RABGAP1L: variants seen among roughly 807,000 people sequenced by gnomAD.
The protein encoded by RABGAP1L is RAB GTPase activating protein 1 like, also known as rab GTPase-activating protein 1-like.
In RABGAP1L, 63 loss-of-function variants were observed where a neutral mutation model predicts 137.7. The observed-to-expected ratio is 0.46, with a 90% CI of 0.37 to 0.56. The LOEUF (loss-of-function observed/expected upper bound fraction) is 0.56, where lower values mean the gene tolerates loss of function less well. Among genes scored for constraint, RABGAP1L ranks in the 20% least tolerant of loss-of-function variants. The pLI, the probability that RABGAP1L is intolerant of heterozygous loss-of-function variation, is 0.00. For synonymous variants in RABGAP1L, 431 were observed against 433.7 expected (o/e 0.99, Z 0.08); for missense variants, 1,095 against 1,244.0 (o/e 0.88, Z 1.80).
intron 19 of RABGAP1L, among the ~76,000 whole-genome samples, chr1:174,855,363 C>T (rs1649127422): frequency 6.6e-6 from 1 of 152,170 alleles, no homozygotes; most frequent in Admixed American, 6.5e-5. Flanking sequence ...CCTTATTTAG[C>T]TCCAAGAGTT....
At chr1:174,581,871 C>G (rs1029224046) in intron 13 of RABGAP1L, among the ~76,000 whole-genome samples, 1 of 151,836 alleles carries the variant, frequency 6.6e-6, no homozygotes, top group Non-Finnish European at 1.5e-5. Flanking sequence ...TGCTTTGACA[C>G]TAAAAGGAAG....
chr1:174,859,974 TTTC>T lies in RABGAP1L; in HGVS notation c.2340+48015_2340+48017del, dbSNP rs879512936. On this transcript the variant is annotated intron_variant, in intron 19 of 25. Transcript: ENST00000681986. ...AATGCTTTTTTTTTTTTTTTTTTTTTTTCCAAATAAAGTAAGAGCCTCACTATC... is the reference window on the plus strand; with the variant it reads ...AATGCTTTTTTTTTTTTTTTTTTTTTCAAATAAAGTAAGAGCCTCACTATC... Among the ~76,000 whole-genome samples the T allele has an allele frequency of 5.2e-3, 690 of 133,648 alleles. 6 individuals carry two copies. The highest frequency in any genetic ancestry group is 0.022 in the African/African-American group (642 of 29,708). The allele number at this position is 133,648 out of a possible 152,430, so 87.7% of individuals were successfully genotyped here.
At chr1:174,770,562 T>G (rs1246857522) in intron 18 of RABGAP1L, among the ~76,000 whole-genome samples, 1 of 152,234 alleles carries the variant, frequency 6.6e-6, no homozygotes, top group Non-Finnish European at 1.5e-5. Context: ...TTGAACTTAA[T>G]GTACCCTAAG....
intron 13 of RABGAP1L, among the ~76,000 whole-genome samples, chr1:174,539,590 G>C (rs897811732): frequency 6.6e-6 from 1 of 152,120 alleles, no homozygotes; most frequent in African/African-American, 2.4e-5. Flanking sequence ...ATGGTTTCCA[G>C]CTTCATCCAT....
intron 13 of RABGAP1L, among the ~76,000 whole-genome samples, chr1:174,478,870 A>G (rs934043684): frequency 1.3e-5 from 2 of 152,204 alleles, no homozygotes; most frequent in Admixed American, 6.5e-5. Context: ...AAAGAGTAGA[A>G]TGGAAATGAT....
chr1:174,196,376 A>G (rs1186432022), intron 1 of RABGAP1L, among the ~76,000 whole-genome samples: 2 of 151,160 alleles, frequency 1.3e-5, no homozygotes, highest in East Asian at 1.9e-4. Flanking sequence ...GGTGCCCGCC[A>G]CCACGCCTGG....
chr1:174,866,849 G>A (rs1651338892), intron 19 of RABGAP1L, among the ~76,000 whole-genome samples: 1 of 152,078 alleles, frequency 6.6e-6, no homozygotes, highest in African/African-American at 2.4e-5. Flanking sequence ...GAAGGTTGAG[G>A]CCACAGTGAG....
At chr1:174,661,356 G>A (rs1396914318) in intron 14 of RABGAP1L, among the ~76,000 whole-genome samples, 1 of 152,092 alleles carries the variant, frequency 6.6e-6, no homozygotes, top group African/African-American at 2.4e-5. Flanking sequence ...TACTTGTACT[G>A]AATACTAAAG....
In RABGAP1L at chr1:174,246,007, G is replaced by T. The variant is rs754640720; in HGVS notation, c.717+4350G>T. 2.0e-5 allele frequency: 3 copies of T among 152,226 alleles called. No homozygotes were observed. In the East Asian group the frequency reaches 5.8e-4, roughly 29 times the overall value. 9.4% of individuals were successfully genotyped at this position (152,226 alleles called of 1,614,324 possible). On this transcript the variant is annotated intron_variant, in intron 5 of 25. Coordinates refer to ENST00000681986, the MANE Select transcript of RABGAP1L (RefSeq NM_001366446.1). ...TATCTTTCACCAGTATTAATGAAAA[G>T]ACTTCATCTTGGAGAAACTAGCTAT...
chr1:174,832,376 G>T (rs1457797538), intron 19 of RABGAP1L, among the ~76,000 whole-genome samples: 2 of 148,098 alleles, frequency 1.4e-5, no homozygotes, highest in African/African-American at 4.9e-5. Context: ...TACTGCATTT[G>T]TCAGGAAAAC....
intron 19 of RABGAP1L, among the ~76,000 whole-genome samples, chr1:174,830,089 C>G (rs1481552906): frequency 1.4e-5 from 2 of 148,076 alleles, no homozygotes; most frequent in Non-Finnish European, 3.0e-5. Context: ...TTTCCCCATG[C>G]TTACTCATGC....
intron 13 of RABGAP1L, among the ~76,000 whole-genome samples, chr1:174,395,503 G>T (rs571946350): frequency 6.6e-6 from 1 of 151,640 alleles, no homozygotes; most frequent in Non-Finnish European, 1.5e-5. Flanking sequence ...AACATATGGC[G>T]GTTTAAACAC....
At chr1:174,833,344 C>T (rs949692785) in intron 19 of RABGAP1L, among the ~76,000 whole-genome samples, 2 of 146,764 alleles carry the variant, frequency 1.4e-5, no homozygotes, top group Admixed American at 1.4e-4. Context: ...GGACTACAGG[C>T]GCATGCCACC....
intron 11 of RABGAP1L, among the ~76,000 whole-genome samples, chr1:174,350,173 G>A (rs1292037181): frequency 7.1e-6 from 1 of 140,192 alleles, no homozygotes; most frequent in East Asian, 2.2e-4. Flanking sequence ...GGGGCGGCTG[G>A]CCGGGCGGGG....
chr1:174,190,268 A>T (rs1210735728), intron 1 of RABGAP1L, among the ~76,000 whole-genome samples: 5 of 142,534 alleles, frequency 3.5e-5, no homozygotes, highest in Admixed American at 7.7e-5. Context: ...ACACCACTGC[A>T]CTCCACCCTG....
chr1:174,877,341 T>TGG, intron 19 of RABGAP1L: 1 of 1,276,992 alleles, frequency 7.8e-7, no homozygotes, highest in Non-Finnish European at 1.1e-6. Flanking sequence ...TTTTTTTTTC[T>TGG]TTCTCTTTCT....
chr1:174,629,635 G>C (rs994321462), intron 13 of RABGAP1L, among the ~76,000 whole-genome samples: 1 of 152,072 alleles, frequency 6.6e-6, no homozygotes, highest in Non-Finnish European at 1.5e-5. Context: ...CGATTCTCCT[G>C]CCTCAGCCTC....
intron 19 of RABGAP1L, among the ~76,000 whole-genome samples, chr1:174,865,577 G>C (rs760197081): frequency 3.2e-5 from 3 of 94,716 alleles, no homozygotes; most frequent in Non-Finnish European, 5.6e-5. Context: ...AGATATCAGA[G>C]ATTTTTTTTT....
At chr1:174,422,873 G>A (rs1207302527) in intron 13 of RABGAP1L, among the ~76,000 whole-genome samples, 2 of 150,904 alleles carry the variant, frequency 1.3e-5, no homozygotes, top group African/African-American at 4.9e-5. Context: ...CTTGAACCCC[G>A]GAGGTGGAGG....
Sources: allele counts gnomAD v4.1 joint callset (sites outside exome capture counted in the v4.1 genomes callset), GRCh38; gene constraint gnomAD v4.1.1; transcripts MANE v1.5; gene names NCBI Gene and HGNC (gene_info 2026-07-23, HGNC 2026-07-21).